ARHGAP15: variants seen among roughly 807,000 people sequenced by gnomAD.
ARHGAP15 encodes rho GTPase-activating protein 15.
In ARHGAP15, 51 loss-of-function variants were observed where a neutral mutation model predicts 63.7. The ratio of observed to expected loss-of-function variants is 0.80; its 90% CI spans 0.64 to 1.01. The LOEUF (loss-of-function observed/expected upper bound fraction) is 1.01. ARHGAP15 is among the 50% of genes least tolerant of loss of function. The probability of loss-of-function intolerance (pLI) is 0.00; values close to 1 mark genes in which losing one functional copy is unlikely to be tolerated. For missense variants in ARHGAP15, 560 were observed against 564.6 expected, an observed-to-expected ratio of 0.99 and a Z score of 0.08; for synonymous variants, 191 against 193.8, an observed-to-expected ratio of 0.99 and a Z score of 0.12.
chr2:143,388,895 T>G (rs1574376473), intron 6 of ARHGAP15, among the ~76,000 whole-genome samples: 1 of 152,006 alleles, frequency 6.6e-6, no homozygotes, highest in East Asian at 1.9e-4. Context: ...AACATCGATA[T>G]GAATACTTTC....
At chr2:143,393,851 G>A (rs1052444209) in intron 6 of ARHGAP15, among the ~76,000 whole-genome samples, 5 of 151,098 alleles carry the variant, frequency 3.3e-5, no homozygotes, top group East Asian at 1.9e-4. Context: ...TGCTATTACC[G>A]TACAGCCGAT....
chr2:143,148,670 A>G (rs971364119), intron 1 of ARHGAP15, among the ~76,000 whole-genome samples: 1 of 152,058 alleles, frequency 6.6e-6, no homozygotes, highest in Non-Finnish European at 1.5e-5. Context: ...TTATTATCAC[A>G]TTTCCTATAT....
At chr2:143,573,112 G>A (rs1216373903) in intron 11 of ARHGAP15, among the ~76,000 whole-genome samples, 3 of 152,128 alleles carry the variant, frequency 2.0e-5, no homozygotes, top group Non-Finnish European at 4.4e-5. Flanking sequence ...TGACTCAAAA[G>A]TCTGTAACTG....
chr2:143,211,589 T>G (rs1692565495), intron 3 of ARHGAP15, among the ~76,000 whole-genome samples: 1 of 152,100 alleles, frequency 6.6e-6, no homozygotes, highest in African/African-American at 2.4e-5. Flanking sequence ...AGGGTTGTAG[T>G]TATAGAGAGA....
At chr2:143,576,338 T>C (rs761870942) in intron 11 of ARHGAP15, among the ~76,000 whole-genome samples, 33 of 152,292 alleles carry the variant, frequency 2.2e-4, no homozygotes, top group Non-Finnish European at 4.6e-4. Context: ...TGTTTCTTGG[T>C]GACTGACCAG....
intron 13 of ARHGAP15, among the ~76,000 whole-genome samples, chr2:143,748,949 T>C (rs1054176314): frequency 2.6e-5 from 4 of 152,182 alleles, no homozygotes; most frequent in African/African-American, 9.7e-5. Flanking sequence ...TAAGGCAAAG[T>C]ATATCATAGA....
At chr2:143,334,405 G>A (rs926051539) in intron 6 of ARHGAP15, among the ~76,000 whole-genome samples, 1 of 152,026 alleles carries the variant, frequency 6.6e-6, no homozygotes, top group Non-Finnish European at 1.5e-5. Flanking sequence ...ACTCACAAAG[G>A]TATCCATTGT....
At chr2:143,568,219 C>T (rs1344888148) in intron 11 of ARHGAP15, among the ~76,000 whole-genome samples, 1 of 152,182 alleles carries the variant, frequency 6.6e-6, no homozygotes, top group Non-Finnish European at 1.5e-5. Context: ...AAACTACCAT[C>T]AGAGTGAACA....
intron 13 of ARHGAP15, among the ~76,000 whole-genome samples, chr2:143,738,841 A>G (rs1299676287): frequency 6.6e-6 from 1 of 152,188 alleles, no homozygotes. Flanking sequence ...CCAACAAAAG[A>G]CACTCTGGTT....
intron 12 of ARHGAP15, among the ~76,000 whole-genome samples, chr2:143,668,242 C>A (rs1682332810): frequency 6.6e-6 from 1 of 151,582 alleles, no homozygotes; most frequent in Non-Finnish European, 1.5e-5. Flanking sequence ...ACTCCCATCA[C>A]TTCCTAAAGG....
intron 11 of ARHGAP15, chr2:143,598,013 T>C (rs1156646697): frequency 6.6e-6 from 1 of 152,156 alleles, no homozygotes; most frequent in African/African-American, 2.4e-5. Flanking sequence ...AATCCATTCA[T>C]GAGGGCAAAG....
intron 6 of ARHGAP15, among the ~76,000 whole-genome samples, chr2:143,417,170 C>A (rs981885875): frequency 1.3e-5 from 2 of 151,884 alleles, no homozygotes; most frequent in African/African-American, 4.8e-5. Flanking sequence ...TAAGTCAGGT[C>A]TCTTTATCCC....
chr2:143,467,063 A>AGT (rs780647323), intron 8 of ARHGAP15, among the ~76,000 whole-genome samples: 1 of 152,124 alleles, frequency 6.6e-6, no homozygotes, highest in Non-Finnish European at 1.5e-5. Flanking sequence ...AAAATATCTT[A>AGT]GTGATACATG....
At chr2:143,551,022 A>T (rs1053223709) in intron 10 of ARHGAP15, among the ~76,000 whole-genome samples, 1 of 152,240 alleles carries the variant, frequency 6.6e-6, no homozygotes, top group South Asian at 2.1e-4. Context: ...AAGAGGGTGT[A>T]CAGATAAGTG....
chr2:143,737,759 TTTATTTA>T (rs1685806282), intron 13 of ARHGAP15, among the ~76,000 whole-genome samples: 1 of 151,650 alleles, frequency 6.6e-6, no homozygotes, highest in African/African-American at 2.4e-5. Flanking sequence ...TATTTATTTA[TTTATTTA>T]TTTTTTGAGA....
chr2:143,663,196 A>G (rs1201854635), intron 12 of ARHGAP15, among the ~76,000 whole-genome samples: 52 of 134,576 alleles, frequency 3.9e-4, no homozygotes, highest in Middle Eastern at 4.0e-3. Context: ...AGGGAAGCCC[A>G]TCAGACTAAC....
chr2:143,523,527 G>A (rs141026717), intron 10 of ARHGAP15, among the ~76,000 whole-genome samples: 1,538 of 152,118 alleles, frequency 0.01, 15 homozygotes, highest in Non-Finnish European at 0.018. Context: ...CTTAAGTGGC[G>A]AACCAGTCAT....
intron 1 of ARHGAP15, among the ~76,000 whole-genome samples, chr2:143,140,204 C>T (rs1689304588): frequency 6.6e-6 from 1 of 152,002 alleles, no homozygotes; most frequent in Non-Finnish European, 1.5e-5. Context: ...CTATTAGTTT[C>T]ATTTTCTCAA....
intron 10 of ARHGAP15, among the ~76,000 whole-genome samples, chr2:143,536,085 G>A (rs1214484618): frequency 6.6e-6 from 1 of 151,966 alleles, no homozygotes; most frequent in African/African-American, 2.4e-5. Context: ...ACATTTTTCA[G>A]GAATATATGT....
Sources: gnomAD v4.1 joint callset for allele counts (sites outside exome capture counted in the v4.1 genomes callset) on GRCh38, gnomAD v4.1.1 for gene constraint, MANE v1.5 for transcripts, NCBI Gene and HGNC (gene_info 2026-07-23, HGNC 2026-07-21) for gene names.